Variants in ANTXR2 observed in about 807,000 individuals in gnomAD.
ANTXR2 encodes ANTXR cell adhesion molecule 2.
ANTXR2 carries 44 observed loss-of-function variants against 73.7 expected under a neutral mutation model. The observed-to-expected ratio is 0.60, with a 90% CI of 0.47 to 0.77. The LOEUF is 0.77. Ranked by LOEUF, ANTXR2 falls within the 30% of genes least tolerant of loss-of-function variation. The pLI is 0.00. For synonymous variants in ANTXR2, 217 were observed against 205.9 expected (o/e 1.05, Z -0.46); for missense variants, 604 against 592.5 (o/e 1.02, Z -0.20).
At chr4:80,033,758 T>C (rs534396921) in intron 8 of ANTXR2, among the ~76,000 whole-genome samples, 188 bp from the exon 9 acceptor site, 6 of 152,200 alleles carry the variant, frequency 3.9e-5, no homozygotes, top group African/African-American at 1.4e-4. Context: ...TAGGTAAATG[T>C]AGTGAAGATA....
At chr4:80,013,349 C>A (rs1316146378) in intron 11 of ANTXR2, among the ~76,000 whole-genome samples, 1 of 152,214 alleles carries the variant, frequency 6.6e-6, no homozygotes, top group Non-Finnish European at 1.5e-5. Context: ...AAGCACAGCA[C>A]AAGCCCTGCC....
intron 7 of ANTXR2, among the ~76,000 whole-genome samples, chr4:80,051,054 A>G (rs1733750440): frequency 6.6e-6 from 1 of 151,686 alleles, no homozygotes; most frequent in Non-Finnish European, 1.5e-5. Flanking sequence ...TAGTTCTTGA[A>G]GTTCTGTGCT....
At chr4:79,943,667 A>G (rs1728399759) in intron 16 of ANTXR2, among the ~76,000 whole-genome samples, 1 of 140,086 alleles carries the variant, frequency 7.1e-6, no homozygotes, top group East Asian at 2.1e-4. Context: ...GCGCACCAGC[A>G]TGGCACATGT....
At chr4:79,950,387 C>T (rs1728662280) in intron 16 of ANTXR2, among the ~76,000 whole-genome samples, 1 of 152,136 alleles carries the variant, frequency 6.6e-6, no homozygotes, top group African/African-American at 2.4e-5. Flanking sequence ...AGAAAAAAGG[C>T]CACATCTCCA....
intron 16 of ANTXR2, among the ~76,000 whole-genome samples, chr4:79,920,797 C>A (rs190811698): frequency 6.6e-6 from 1 of 152,250 alleles, no homozygotes; most frequent in East Asian, 1.9e-4. Context: ...TGGATCCATT[C>A]TCATCTCTTT....
At chr4:79,909,161 A>G (rs1478411133) in intron 16 of ANTXR2, among the ~76,000 whole-genome samples, 6 of 152,182 alleles carry the variant, frequency 3.9e-5, no homozygotes, top group African/African-American at 1.4e-4. Context: ...GAGGAATGAT[A>G]TTATGACAGC....
intron 16 of ANTXR2, among the ~76,000 whole-genome samples, chr4:79,930,153 A>G (rs1161451379): frequency 6.6e-6 from 1 of 152,188 alleles, no homozygotes; most frequent in African/African-American, 2.4e-5. Flanking sequence ...GTTCTTTTAA[A>G]ACTATATTAG....
rs1176568638 is a variant in ANTXR2, at chr4:80,000,126, T to C, written c.1041+8395A>G. Among the ~76,000 whole-genome samples the C allele has an allele frequency of 2.6e-5, 4 of 152,200 alleles. No individual in the cohort carries two copies. The South Asian group carries it at 6.2e-4, about 24-fold the overall frequency. ...AGGTGAGGCATCCCTGTGGGGTATA[T>C]GTAGCAGCAACTAGACAAAAGTTGA... On this transcript the variant is annotated intron_variant, in intron 12 of 16. Coordinates refer to ENST00000403729, the MANE Select transcript of ANTXR2 (RefSeq NM_058172.6).
intron 16 of ANTXR2, among the ~76,000 whole-genome samples, chr4:79,918,783 C>T (rs1727455206): frequency 6.6e-6 from 1 of 151,802 alleles, no homozygotes; most frequent in Non-Finnish European, 1.5e-5. Context: ...TGACTAAATA[C>T]ACAAGTAATA....
intron 16 of ANTXR2, among the ~76,000 whole-genome samples, chr4:79,945,158 G>A (rs1728472145): frequency 1.3e-5 from 2 of 151,920 alleles, no homozygotes; most frequent in South Asian, 4.1e-4. Context: ...GAAGGCAATG[G>A]TGAGAAAGCA....
intron 7 of ANTXR2, among the ~76,000 whole-genome samples, chr4:80,042,971 T>A (rs1733344407): frequency 6.6e-6 from 1 of 152,070 alleles, no homozygotes; most frequent in Admixed American, 6.6e-5. Context: ...GGAATCCGTC[T>A]AGGCAAAATA....
chr4:79,984,833 G>C lies in ANTXR2; in HGVS notation c.1072C>G (p.Pro358Ala), dbSNP rs780860990. The change falls in exon 13 of 17, where the codon CCT becomes GCT. Residue 358 changes from proline to alanine, a missense_variant. Transcript: ENST00000403729. ...VIKDPPPPPA[P>A]APKEEEEEPL... ...CACTCACTTACCTCTTTTGGTGCAG[G>C]GGCGGGTGGTGGTGGAGGATCCTTA... 8.1e-6 allele frequency: 13 copies of C among 1,606,348 alleles called. No homozygotes were observed. Among genetic ancestry groups the C allele is most frequent in the Admixed American group, 5.1e-5 (3 of 59,306 alleles).
At chr4:79,960,154 T>C (rs1004127832) in intron 16 of ANTXR2, among the ~76,000 whole-genome samples, 11 of 152,198 alleles carry the variant, frequency 7.2e-5, no homozygotes, top group Non-Finnish European at 1.6e-4. Context: ...GCCTTAAAGC[T>C]ATTTAAATAA....
At position 80,054,286 on chromosome 4, in the gene ANTXR2, C is replaced by A; in HGVS notation, c.622G>T (p.Gly208Ter). 6.3e-7 allele frequency: 1 copy of A among 1,597,716 alleles called. No individual in the cohort carries two copies. ...GAAATACTCACAGAATTAATTATTCCTTTAAGAGCCTGAAATCCACCTTTG... is the reference window on the plus strand; with the variant it reads ...GAAATACTCACAGAATTAATTATTCATTTAAGAGCCTGAAATCCACCTTTG... The part of the protein sequence containing the change: ...PVKGGFQALK[G>*]IINSILAQSC... The change falls in exon 7 of 17, where the codon GGA (glycine) becomes TGA (stop). Residue 208 changes from glycine (G) to a stop codon, truncating the protein, a stop_gained. Transcript: ENST00000403729. LOFTEE classifies it high-confidence loss of function.
At chr4:80,060,331 C>A (rs1247646527) in intron 3 of ANTXR2, among the ~76,000 whole-genome samples, 2 of 152,164 alleles carry the variant, frequency 1.3e-5, no homozygotes, top group Non-Finnish European at 2.9e-5. Flanking sequence ...TTTGAAAACT[C>A]CCCAGAGTAT....
At chr4:79,996,038 G>T (rs1730707662) in intron 12 of ANTXR2, among the ~76,000 whole-genome samples, 1 of 151,932 alleles carries the variant, frequency 6.6e-6, no homozygotes, top group Admixed American at 6.6e-5. Context: ...TAATAACTCT[G>T]TGCAATCACT....
chr4:79,996,378 G>A (rs1231122279), intron 12 of ANTXR2, among the ~76,000 whole-genome samples: 1 of 151,106 alleles, frequency 6.6e-6, no homozygotes, highest in African/African-American at 2.4e-5. Flanking sequence ...TTGACAAATA[G>A]ATGATAGATA....
rs527969234 is a variant in ANTXR2, at chr4:80,048,877, C to T, written c.636+5395G>A. Among the ~76,000 whole-genome samples, 147 of 151,760 alleles carry T rather than the reference C, an allele frequency of 9.7e-4. 1 individual carries two copies. The highest frequency in any genetic ancestry group is 3.2e-3 in the African/African-American group (134 of 41,474). On this transcript the variant is annotated intron_variant, in intron 7 of 16. Transcript: ENST00000403729. ...ATCTCCAGCACTATGAATGTAGGTACTTTTTGAAATTTCACTTTTCCCTTT... is the reference window on the plus strand; with the variant it reads ...ATCTCCAGCACTATGAATGTAGGTATTTTTTGAAATTTCACTTTTCCCTTT...
intron 11 of ANTXR2, among the ~76,000 whole-genome samples, chr4:80,010,114 C>T (rs917415909): frequency 2.6e-5 from 4 of 151,558 alleles, no homozygotes; most frequent in Non-Finnish European, 5.9e-5. Context: ...AAGATTAATA[C>T]TAATACTTTA....
Sources: gnomAD v4.1 joint callset for allele counts (sites outside exome capture counted in the v4.1 genomes callset) on GRCh38, gnomAD v4.1.1 for gene constraint, MANE v1.5 for transcripts, NCBI Gene and HGNC (gene_info 2026-07-23, HGNC 2026-07-21) for gene names.